Variants in SAV1 observed in about 807,000 individuals in gnomAD.
The protein encoded by SAV1 is protein salvador homolog 1.
SAV1 carries 23 observed loss-of-function variants against 47.3 expected under a neutral mutation model. The observed-to-expected ratio is 0.49, with a 90% confidence interval of 0.35 to 0.69. The LOEUF is 0.69. Ranked by LOEUF, SAV1 falls within the 30% of genes least tolerant of loss-of-function variation. SAV1 has a pLI of 0.01. For missense variants in SAV1, 448 were observed against 457.4 expected, an observed-to-expected ratio of 0.98 and a Z score of 0.19; for synonymous variants, 155 against 159.2, an observed-to-expected ratio of 0.97 and a Z score of 0.20.
At chr14:50,638,398 T>C (rs1595633818) in intron 4 of SAV1, among the ~76,000 whole-genome samples, 2 of 152,186 alleles carry the variant, frequency 1.3e-5, no homozygotes, top group African/African-American at 4.8e-5. Flanking sequence ...TAGGGCAGTA[T>C]TCTATTCAAA....
intron 2 of SAV1, among the ~76,000 whole-genome samples, chr14:50,647,771 A>G (rs530572087): frequency 6.6e-6 from 1 of 152,320 alleles, no homozygotes; most frequent in East Asian, 1.9e-4. Flanking sequence ...TGGCCAAAAA[A>G]CCAAACAAAA....
chr14:50,666,781 TA>T lies in SAV1; in HGVS notation c.94+1092del, dbSNP rs780489912. Among the ~76,000 whole-genome samples the T allele has an allele frequency of 9.0e-3, 1,239 of 137,064 alleles. 8 individuals are homozygous for T. Among genetic ancestry groups the T allele is most frequent in the African/African-American group, 0.027 (1,028 of 37,752 alleles). The allele number at this position is 137,064 out of a possible 152,430, so 89.9% of individuals were successfully genotyped here. On this transcript the variant is annotated intron_variant, in intron 1 of 4. Coordinates refer to ENST00000324679, the MANE Select transcript of SAV1 (RefSeq NM_021818.4). The stretch of plus-strand genomic sequence containing the variant: ...CATGTGTGACTGAAAATCAAGTTGT[TA>T]AAAAAAAAAAAAAACAACTTAAAAA...
At chr14:50,657,057 C>T (rs1348576083) in intron 2 of SAV1, among the ~76,000 whole-genome samples, 1 of 139,814 alleles carries the variant, frequency 7.2e-6, no homozygotes, top group Non-Finnish European at 1.5e-5. Flanking sequence ...GACGGAGTCT[C>T]ACGCTGTCGC....
intron 2 of SAV1, among the ~76,000 whole-genome samples, chr14:50,650,164 T>C (rs2039755509): frequency 6.6e-6 from 1 of 152,184 alleles, no homozygotes; most frequent in Admixed American, 6.5e-5. Context: ...GGCATGTGGT[T>C]TAAGAAACTG....
chr14:50,640,401 T>C (rs2039671747), intron 4 of SAV1, among the ~76,000 whole-genome samples: 1 of 152,190 alleles, frequency 6.6e-6, no homozygotes, highest in Non-Finnish European at 1.5e-5. Context: ...ATTACAGGTG[T>C]GAGCCACTGT....
chr14:50,644,472 A>AT (rs544578830), intron 3 of SAV1, among the ~76,000 whole-genome samples: 112 of 152,328 alleles, frequency 7.4e-4, no homozygotes, highest in African/African-American at 2.5e-3. Context: ...CTGGACACCT[A>AT]TAACAAAAAC....
intron 4 of SAV1, 35 bp downstream of exon 4, chr14:50,640,715 C>T (rs752530596): frequency 6.3e-7 from 1 of 1,587,586 alleles, no homozygotes; most frequent in Non-Finnish European, 8.6e-7. Flanking sequence ...CCTTCACTCA[C>T]TCCTCAAACA....
At chr14:50,654,017 A>G (rs2039792084) in intron 2 of SAV1, among the ~76,000 whole-genome samples, 2 of 152,230 alleles carry the variant, frequency 1.3e-5, no homozygotes, top group South Asian at 2.1e-4. Context: ...GTGAGTTCAC[A>G]GCATCTTTTT....
intron 3 of SAV1, among the ~76,000 whole-genome samples, chr14:50,643,226 T>C (rs540097781): frequency 1.2e-4 from 18 of 152,324 alleles, no homozygotes; most frequent in African/African-American, 4.1e-4. Context: ...AATTCTGTAA[T>C]AACATAAGGT....
rs2039618840 is a variant in SAV1 at position 50,634,752 on chromosome 14, A to G, written c.*431T>C. ...TTTTATATTTCAACTACATCATGGTAATATTTAAACCATCCCTTTCCAGAC... is the reference window on the plus strand; with the variant it reads ...TTTTATATTTCAACTACATCATGGTGATATTTAAACCATCCCTTTCCAGAC... On this transcript the variant is annotated 3_prime_UTR_variant, in exon 5 of 5. Transcript: ENST00000324679. The G allele has an allele frequency of 1.9e-5, 3 of 161,522 alleles. No individual in the cohort carries two copies. Among genetic ancestry groups the G allele is most frequent in the Admixed American group, 6.2e-5 (1 of 16,140 alleles). The allele number at this position is 161,522 out of a possible 1,614,324, so 10.0% of individuals were successfully genotyped here.
Position 50,634,216 on chromosome 14 carries a change from G to A in SAV1, c.*967C>T, listed in dbSNP as rs749144705. On this transcript the variant is annotated 3_prime_UTR_variant, in exon 5 of 5. Transcript: ENST00000324679. ...TGATGTTAGCAACTTTGAGTTTCAC[G>A]CACCTTCCCAATACAGGCTAAGTAT... 3 of 454,482 alleles carry A rather than the reference G, an allele frequency of 6.6e-6. No homozygotes were observed. The highest frequency in any genetic ancestry group is 3.1e-5 in the South Asian group (2 of 64,312). The allele number at this position is 454,482 out of a possible 1,614,324, so 28.2% of individuals were successfully genotyped here. A position where few individuals can be genotyped will look rare whatever the true frequency, so the allele number is the denominator to read the frequency against.
chr14:50,655,260 C>A (rs1486960333), intron 2 of SAV1, among the ~76,000 whole-genome samples: 1 of 152,014 alleles, frequency 6.6e-6, no homozygotes, highest in African/African-American at 2.4e-5. Context: ...TGCTTTACAG[C>A]CAAAACCAAG....
chr14:50,640,312 C>A (rs997871566), intron 4 of SAV1, among the ~76,000 whole-genome samples: 9 of 152,034 alleles, frequency 5.9e-5, no homozygotes, highest in Admixed American at 1.3e-4. Context: ...GGAAATGGGG[C>A]TCTCGTTATG....
At chr14:50,650,676 C>T (rs149981721) in intron 2 of SAV1, among the ~76,000 whole-genome samples, 1 of 152,192 alleles carries the variant, frequency 6.6e-6, no homozygotes, top group South Asian at 2.1e-4. Flanking sequence ...GGAATTGAGG[C>T]CTTCAGCCAG....
intron 1 of SAV1, 128 bp downstream of exon 1, chr14:50,667,746 T>G (rs2039915262): frequency 1.5e-6 from 1 of 682,904 alleles, no homozygotes; most frequent in African/African-American, 1.8e-5. Context: ...CAAGAAAATC[T>G]CAAAACCAGT....
chr14:50,654,116 TA>T (rs936122382), intron 2 of SAV1, among the ~76,000 whole-genome samples: 3 of 152,164 alleles, frequency 2.0e-5, no homozygotes, highest in African/African-American at 7.2e-5. Context: ...GGCAATTTCT[TA>T]AAAACAACAA....
intron 2 of SAV1, among the ~76,000 whole-genome samples, chr14:50,652,721 A>G (rs2039779079): frequency 6.6e-6 from 1 of 152,188 alleles, no homozygotes; most frequent in Admixed American, 6.5e-5. Flanking sequence ...CATGAGAAAA[A>G]CATCAGACTT....
chr14:50,642,419 G>A (rs1221300689), intron 3 of SAV1, among the ~76,000 whole-genome samples: 1 of 151,732 alleles, frequency 6.6e-6, no homozygotes, highest in African/African-American at 2.4e-5. Flanking sequence ...AACCTGGGAG[G>A]CGAAGGTTGA....
At chr14:50,666,369 C>G (rs1282542075) in intron 1 of SAV1, among the ~76,000 whole-genome samples, 1 of 152,144 alleles carries the variant, frequency 6.6e-6, no homozygotes, top group African/African-American at 2.4e-5. Flanking sequence ...AACTTGAAAA[C>G]AGCTTAAGAC....
Sources: gnomAD v4.1 joint callset for allele counts (sites outside exome capture counted in the v4.1 genomes callset) on GRCh38, gnomAD v4.1.1 for gene constraint, MANE v1.5 for transcripts, NCBI Gene and HGNC (gene_info 2026-07-23, HGNC 2026-07-21) for gene names.